CILK1: variants seen among roughly 807,000 people sequenced by gnomAD.
CILK1 encodes ciliogenesis associated kinase 1.
In CILK1, 47 loss-of-function variants were observed where a neutral mutation model predicts 79.2. The observed-to-expected ratio is 0.59, with a 90% CI of 0.47 to 0.76. The LOEUF (loss-of-function observed/expected upper bound fraction) is 0.76, where lower values mean the gene tolerates loss of function less well. Ranked by LOEUF, CILK1 falls within the 30% of genes least tolerant of loss-of-function variation. The probability of loss-of-function intolerance (pLI) is 0.00; values close to 1 mark genes in which losing one functional copy is unlikely to be tolerated. For missense variants in CILK1, 660 were observed against 769.5 expected (o/e 0.86, Z 1.68); for synonymous variants, 266 against 275.9 (o/e 0.96, Z 0.36).
At chr6:53,024,940 C>G (rs1344952955) in intron 5 of CILK1, among the ~76,000 whole-genome samples, 1 of 150,232 alleles carries the variant, frequency 6.7e-6, no homozygotes, top group African/African-American at 2.4e-5. Context: ...TCAAGCAATT[C>G]TCATGCCTCA....
intron 3 of CILK1, among the ~76,000 whole-genome samples, chr6:53,033,325 G>C (rs6902799): frequency 0.038 from 5,851 of 152,214 alleles, 262 homozygotes; most frequent in African/African-American, 0.1. Flanking sequence ...AGAAAATGGT[G>C]CGTGGCCTTA....
intron 12 of CILK1, among the ~76,000 whole-genome samples, chr6:53,007,090 T>TTTTG (rs1315674823): frequency 2.0e-5 from 3 of 152,200 alleles, no homozygotes; most frequent in Non-Finnish European, 4.4e-5. Flanking sequence ...AATCAATTAA[T>TTTTG]TTTGGATGGG....
chr6:53,032,214 T>C lies in CILK1; in HGVS notation c.278+319A>G, dbSNP rs565623344. 3.3e-5 allele frequency among the ~76,000 whole-genome samples: 5 copies of C among 152,136 alleles called. No individual in the cohort carries two copies. The South Asian group carries it at 1.0e-3, about 32-fold the overall frequency. On this transcript the variant is annotated intron_variant, in intron 4 of 13. Transcript: ENST00000676107. ...TATCAGAGGGCCTCTAAAGTAGAAA[T>C]ATGGGTGGGCCCCACACCTAACTGG... is the stretch of plus-strand genomic sequence containing the variant.
At chr6:53,010,553 T>G (rs1764514895) in intron 11 of CILK1, among the ~76,000 whole-genome samples, 1 of 152,238 alleles carries the variant, frequency 6.6e-6, no homozygotes, top group Admixed American at 6.5e-5. Flanking sequence ...TGCCTCATAC[T>G]ACACATTACG....
At chr6:53,016,624 C>A (rs1743934968) in intron 7 of CILK1, among the ~76,000 whole-genome samples, 1 of 152,148 alleles carries the variant, frequency 6.6e-6, no homozygotes, top group Admixed American at 6.5e-5. Context: ...CAAAATAAAA[C>A]AAAACATTTT....
chr6:53,015,956 G>T, intron 8 of CILK1, 127 bp downstream of exon 8: 2 of 942,400 alleles, frequency 2.1e-6, no homozygotes, highest in Non-Finnish European at 3.4e-6. Context: ...ACCTTATATA[G>T]TACACCATTA....
chr6:53,046,911 A>G (rs2127459625), intron 1 of CILK1, among the ~76,000 whole-genome samples: 1 of 152,374 alleles, frequency 6.6e-6, no homozygotes, highest in African/African-American at 2.4e-5. Context: ...ATATTAAAAA[A>G]TGAAAAAGGT....
Position 53,015,896 on chromosome 6 carries a change from A to G in CILK1, c.831+187T>C, listed in dbSNP as rs1764861737. Reference sequence around the variant, plus strand: ...TTTTCAAAGCAACTATATTGTTTACATTGTAACTACTTTATACCCAGTAAG... The same window carrying G: ...TTTTCAAAGCAACTATATTGTTTACGTTGTAACTACTTTATACCCAGTAAG... On this transcript the variant is annotated intron_variant, in intron 8 of 13. Coordinates refer to ENST00000676107, the MANE Select transcript of CILK1 (RefSeq NM_014920.5). 5 of 602,624 alleles carry G rather than the reference A, an allele frequency of 8.3e-6. No homozygotes were observed. In the East Asian group the frequency reaches 1.5e-4, roughly 18 times the overall value. The allele number at this position is 602,624 out of a possible 1,614,324, so 37.3% of individuals were successfully genotyped here. A position where few individuals can be genotyped will look rare whatever the true frequency, so the allele number is the denominator to read the frequency against.
intron 11 of CILK1, 57 bp downstream of exon 11, chr6:53,011,712 T>C (rs1452505498): frequency 2.0e-6 from 3 of 1,530,948 alleles, no homozygotes; most frequent in Non-Finnish European, 1.8e-6. Context: ...GAATATGTGA[T>C]TCCAAGGACA....
intron 3 of CILK1, among the ~76,000 whole-genome samples, chr6:53,037,673 C>A (rs1242457366): frequency 6.6e-6 from 1 of 152,096 alleles, no homozygotes; most frequent in Non-Finnish European, 1.5e-5. Context: ...AGAAAATAGG[C>A]AATAATAATT....
chr6:53,021,954 C>G (rs1481914241), intron 5 of CILK1, among the ~76,000 whole-genome samples: 5 of 152,028 alleles, frequency 3.3e-5, no homozygotes, highest in African/African-American at 4.8e-5. Context: ...GGCAATGATA[C>G]TCATGATCCT....
Position 53,061,608 on chromosome 6 carries a change from C to A in CILK1, c.-185G>T, listed in dbSNP as rs1768468768. ...GAGCCCCACTTACTGGCGCCGCGAA[C>A]GCAGGCGGGGGCCCGCCCCTGAGGT... is the stretch of plus-strand genomic sequence containing the variant. On this transcript the variant is annotated 5_prime_UTR_variant, in exon 1 of 14. Transcript: ENST00000676107. 1 of 152,408 alleles carries A rather than the reference C, an allele frequency of 6.6e-6. No homozygotes were observed. Among genetic ancestry groups the A allele is most frequent in the South Asian group, 2.1e-4 (1 of 4,836 alleles). The allele number at this position is 152,408 out of a possible 1,614,324, so 9.4% of individuals were successfully genotyped here. A position where few individuals can be genotyped will look rare whatever the true frequency, so the allele number is the denominator to read the frequency against.
Position 53,005,205 on chromosome 6 carries a change from C to G in CILK1, c.1843G>C (p.Ala615Pro), listed in dbSNP as rs55932059. 1.9e-6 allele frequency: 3 copies of G among 1,614,082 alleles called. No individual in the cohort carries two copies. The highest frequency in any genetic ancestry group is 2.5e-6 in the Non-Finnish European group (3 of 1,180,002). ...TCTGTCCGGCCATGCACTGGCTGGG[C>G]GGCTGGAGGCCGTGGTATCAACCCA... ...TPGLIPRPPA[A>P]QPVHGRTDWA... Residue 615 changes from alanine to proline, a missense_variant, in exon 14 of 14, where the codon GCC becomes CCC. Ala to Pro is a conservative substitution (Grantham distance 27, BLOSUM62 -1). Coordinates refer to ENST00000676107, the MANE Select transcript of CILK1 (RefSeq NM_014920.5).
At chr6:53,017,304 T>C (rs1764949260) in intron 7 of CILK1, among the ~76,000 whole-genome samples, 1 of 152,152 alleles carries the variant, frequency 6.6e-6, no homozygotes, top group African/African-American at 2.4e-5. Flanking sequence ...GCTTATGGTC[T>C]AGGAAACAAC....
intron 3 of CILK1, 39 bp downstream of exon 3, chr6:53,037,900 A>G: frequency 8.5e-7 from 1 of 1,178,784 alleles, no homozygotes; most frequent in Non-Finnish European, 1.3e-6. Context: ...AAGCTATTTT[A>G]ATCATCCATA....
chr6:53,016,071 A>G lies in CILK1; in HGVS notation c.831+12T>C. 2.5e-6 allele frequency: 4 copies of G among 1,613,540 alleles called. No individual in the cohort carries two copies. The highest frequency in any genetic ancestry group is 3.4e-6 in the Non-Finnish European group (4 of 1,179,546). ...TAGATATGAACGTTATAACAAGAAAATGGAAGAAAACCTGACTAGCTGTTG... is the reference window on the plus strand; with the variant it reads ...TAGATATGAACGTTATAACAAGAAAGTGGAAGAAAACCTGACTAGCTGTTG... On this transcript the variant is annotated intron_variant, in intron 8 of 13. Coordinates refer to ENST00000676107, the MANE Select transcript of CILK1 (RefSeq NM_014920.5).
chr6:53,013,765 G>C lies in CILK1; in HGVS notation c.1049C>G (p.Pro350Arg). 1 of 1,614,132 alleles carries C rather than the reference G, an allele frequency of 6.2e-7. No homozygotes were observed. Among genetic ancestry groups the C allele is most frequent in the Non-Finnish European group, 8.5e-7 (1 of 1,180,034 alleles). The stretch of plus-strand genomic sequence containing the variant: ...TGTCCTGGAGACCTCTGCTTTGTAG[G>C]GGTACGTGAGATGCAGAGGGGGCTG... ...ASQPPLHLTY[P>R]YKAEVSRTDH... The change falls in exon 9 of 14, where the codon CCC (proline) becomes CGC (arginine). Residue 350 changes from proline to arginine, a missense_variant. Transcript: ENST00000676107.
chr6:53,060,165 A>T (rs576406236), intron 1 of CILK1, among the ~76,000 whole-genome samples: 1 of 152,242 alleles, frequency 6.6e-6, no homozygotes, highest in Non-Finnish European at 1.5e-5. Context: ...GGCTCTGATG[A>T]TGTTGAACAG....
chr6:53,014,470 G>A (rs890295868), intron 8 of CILK1, among the ~76,000 whole-genome samples: 1 of 152,176 alleles, frequency 6.6e-6, no homozygotes, highest in African/African-American at 2.4e-5. Flanking sequence ...ACATGATATA[G>A]TTAACCCTTC....
Sources: gnomAD v4.1 joint callset for allele counts (sites outside exome capture counted in the v4.1 genomes callset) on GRCh38, gnomAD v4.1.1 for gene constraint, MANE v1.5 for transcripts, NCBI Gene and HGNC (gene_info 2026-07-23, HGNC 2026-07-21) for gene names.